Variants in PLCL2 observed in about 807,000 individuals in gnomAD.
PLCL2 encodes inactive phospholipase C-like protein 2.
PLCL2 carries 4 observed loss-of-function variants against 79.6 expected under a neutral mutation model. That is an observed-to-expected ratio of 0.05 (90% CI 0.02 to 0.11). The LOEUF (loss-of-function observed/expected upper bound fraction) is 0.11, where lower values mean the gene tolerates loss of function less well. PLCL2 is among the 10% of genes least tolerant of loss of function. PLCL2 has a pLI of 1.00. For missense variants in PLCL2, 895 were observed against 1,291.0 expected (o/e 0.69, Z 4.70); for synonymous variants, 484 against 457.7 (o/e 1.06, Z -0.73).
intron 3 of PLCL2, chr3:17,035,649 A>C (rs182990621): frequency 5.2e-6 from 2 of 381,216 alleles, no homozygotes; most frequent in Non-Finnish European, 1.0e-5. Flanking sequence ...TACTTTGTTC[A>C]TAACACCTCT....
Position 17,083,950 on chromosome 3 carries a change from C to T in PLCL2, c.3205-5783C>T, listed in dbSNP as rs187293730. On this transcript the variant is annotated intron_variant, in intron 5 of 5. Transcript: ENST00000615277. ...TTTTATTAATAAAAATAAGAGCATA[C>T]ATCAATGACATTAAAAACAGAAAAT... 5.3e-5 allele frequency among the ~76,000 whole-genome samples: 8 copies of T among 152,200 alleles called. No homozygotes were observed. The East Asian group carries it at 1.5e-3, about 29-fold the overall frequency.
intron 1 of PLCL2, among the ~76,000 whole-genome samples, chr3:16,891,291 C>T (rs1696343734): frequency 6.6e-6 from 1 of 152,308 alleles, no homozygotes; most frequent in Non-Finnish European, 1.5e-5. Flanking sequence ...ATAAAACCTC[C>T]TCTCATAGCA....
chr3:16,973,436 G>A (rs1473625693), intron 1 of PLCL2, among the ~76,000 whole-genome samples: 4 of 150,646 alleles, frequency 2.7e-5, no homozygotes, highest in Admixed American at 2.7e-4. Context: ...GTATTTCACA[G>A]GTATTCTCTG....
chr3:16,919,857 G>A (rs1697082469), intron 1 of PLCL2, among the ~76,000 whole-genome samples: 1 of 152,098 alleles, frequency 6.6e-6, no homozygotes, highest in Non-Finnish European at 1.5e-5. Flanking sequence ...TGTGAACATG[G>A]ACTTCTGAAA....
chr3:16,942,702 A>G (rs142483488), intron 1 of PLCL2, among the ~76,000 whole-genome samples: 12 of 152,242 alleles, frequency 7.9e-5, no homozygotes, highest in African/African-American at 2.6e-4. Context: ...CACTGCTACT[A>G]TGCCTTTTTC....
chr3:16,942,632 CCTATT>C (rs1234806762), intron 1 of PLCL2, among the ~76,000 whole-genome samples: 1 of 152,128 alleles, frequency 6.6e-6, no homozygotes, highest in African/African-American at 2.4e-5. Flanking sequence ...TTCTCATTGT[CCTATT>C]CTCTTTTTCA....
At chr3:16,992,234 A>C (rs2064111966) in intron 1 of PLCL2, among the ~76,000 whole-genome samples, 1 of 152,210 alleles carries the variant, frequency 6.6e-6, no homozygotes, top group African/African-American at 2.4e-5. Flanking sequence ...TGATTCAATC[A>C]TCAGAAAAAC....
chr3:17,025,618 A>G (rs571574724), intron 3 of PLCL2, among the ~76,000 whole-genome samples: 1 of 152,260 alleles, frequency 6.6e-6, no homozygotes, highest in Non-Finnish European at 1.5e-5. Flanking sequence ...GATTGTTGAC[A>G]CCTACTTGGG....
In PLCL2 at chr3:16,983,530, C is replaced by T. The variant is rs571472067; in HGVS notation, c.328-26144C>T. Among the ~76,000 whole-genome samples, 4 of 152,244 alleles carry T rather than the reference C, an allele frequency of 2.6e-5. No homozygotes were observed. In the South Asian group the frequency reaches 8.3e-4, roughly 32 times the overall value. ...CCAAAAATACAAAAAATTAGTTGGG[C>T]GTGGTGGCCGGCACCTGTAATCCCA... On this transcript the variant is annotated intron_variant, in intron 1 of 5. Coordinates refer to ENST00000615277, the MANE Select transcript of PLCL2 (RefSeq NM_001144382.2).
chr3:16,933,373 C>T (rs769243786), intron 1 of PLCL2: 1 of 154,514 alleles, frequency 6.5e-6, no homozygotes, highest in South Asian at 2.0e-4. Flanking sequence ...TTGTCTAAAA[C>T]GCTTACGACT....
chr3:16,891,410 G>A (rs2124914690), intron 1 of PLCL2, among the ~76,000 whole-genome samples: 1 of 152,344 alleles, frequency 6.6e-6, no homozygotes. Flanking sequence ...TTAGAGAGGT[G>A]AGCAGACTAA....
At chr3:16,993,962 G>C (rs973835317) in intron 1 of PLCL2, among the ~76,000 whole-genome samples, 8 of 152,116 alleles carry the variant, frequency 5.3e-5, no homozygotes, top group African/African-American at 1.9e-4. Context: ...AATGAATTTG[G>C]TGCCTGTGTG....
At chr3:17,042,773 A>G (rs929955144) in intron 3 of PLCL2, 101 bp from the exon 4 acceptor site, 3 of 783,342 alleles carry the variant, frequency 3.8e-6, no homozygotes, top group Admixed American at 2.1e-5. Context: ...AGCGTTTAAT[A>G]TCATCACATC....
chr3:17,022,863 C>T (rs2064470998), intron 3 of PLCL2, among the ~76,000 whole-genome samples: 1 of 152,114 alleles, frequency 6.6e-6, no homozygotes, highest in African/African-American at 2.4e-5. Context: ...GTAGATGTCC[C>T]TGGATTTTAA....
intron 5 of PLCL2, among the ~76,000 whole-genome samples, chr3:17,070,008 T>C (rs549030418): frequency 3.2e-4 from 49 of 152,228 alleles, no homozygotes; most frequent in African/African-American, 1.1e-3. Context: ...CTCAAGAAAA[T>C]ATATCACAGC....
chr3:16,928,593 T>C (rs954568715), intron 1 of PLCL2, among the ~76,000 whole-genome samples: 1 of 152,166 alleles, frequency 6.6e-6, no homozygotes, highest in Non-Finnish European at 1.5e-5. Context: ...ACCTGCAGGG[T>C]TGAGGGCCTG....
At chr3:16,959,414 A>G (rs1370958878) in intron 1 of PLCL2, among the ~76,000 whole-genome samples, 1 of 152,176 alleles carries the variant, frequency 6.6e-6, no homozygotes, top group Non-Finnish European at 1.5e-5. Context: ...ACCTTTCCAC[A>G]GCAGTAATGT....
chr3:17,040,292 C>T (rs1055618125), intron 3 of PLCL2, among the ~76,000 whole-genome samples: 1 of 152,216 alleles, frequency 6.6e-6, no homozygotes, highest in South Asian at 2.1e-4. Context: ...TATCTGGACT[C>T]TTGAGATGGA....
chr3:17,011,231 C>G lies in PLCL2; in HGVS notation c.1885C>G (p.Gln629Glu). 6.2e-7 allele frequency: 1 copy of G among 1,614,182 alleles called. No homozygotes were observed. Among genetic ancestry groups the G allele is most frequent in the Non-Finnish European group, 8.5e-7 (1 of 1,180,020 alleles). Residue 629 changes from glutamine to glutamate, a missense_variant, in exon 2 of 6, where the codon CAG becomes GAG. Gln to Glu is a conservative substitution (Grantham distance 29). This residue lies in a region of PLCL2 where 242 missense variants were observed against 399.5 expected (regional missense o/e 0.61). Coordinates refer to ENST00000615277, the MANE Select transcript of PLCL2 (RefSeq NM_001144382.2). The surrounding 1 kb of genome is among the most constrained non-coding windows in gnomAD (Gnocchi z 7.9). ...ACTGGTCAGCATCTGCAAATCAGTT[C>G]AGTTCAAAGAATTTCAGGTGTCGTT... Reference protein sequence around the residue: ...SELVSICKSVQFKEFQVSFQV... With the variant: ...SELVSICKSVEFKEFQVSFQV...
Sources: allele counts gnomAD v4.1 joint callset (sites outside exome capture counted in the v4.1 genomes callset), GRCh38; gene constraint gnomAD v4.1.1; regional missense constraint gnomAD v4.1.1; non-coding constraint Gnocchi (gnomAD v3.1); transcripts MANE v1.5; gene names NCBI Gene and HGNC (gene_info 2026-07-23, HGNC 2026-07-21).